The following RBM47 variants were observed in gnomAD, a reference collection of about 807,000 sequenced individuals.
RBM47 encodes RNA-binding protein 47.
A neutral mutation model predicts 47.1 loss-of-function variants in RBM47; 21 were observed. The ratio of observed to expected loss-of-function variants is 0.45; its 90% CI spans 0.32 to 0.64. The LOEUF (loss-of-function observed/expected upper bound fraction) is 0.64, where lower values mean the gene tolerates loss of function less well. Among genes scored for constraint, RBM47 ranks in the 30% least tolerant of loss-of-function variants. The pLI is 0.05. For missense variants in RBM47, 708 were observed against 870.9 expected (o/e 0.81, Z 2.35); for synonymous variants, 375 against 361.7 (o/e 1.04, Z -0.42).
intron 1 of RBM47, among the ~76,000 whole-genome samples, chr4:40,586,873 G>C (rs1578017981): frequency 2.0e-5 from 3 of 152,222 alleles, no homozygotes; most frequent in Admixed American, 2.0e-4. Context: ...TGAAGGGGCA[G>C]GAGGGGATTC....
rs188883198 is a variant in RBM47 at position 40,433,096 on chromosome 4, G to T, written c.1331-234C>A. 3.2e-4 allele frequency among the ~76,000 whole-genome samples: 48 copies of T among 152,112 alleles called. 1 individual carries two copies. In the East Asian group the frequency reaches 7.7e-3, roughly 24 times the overall value. On this transcript the variant is annotated intron_variant, in intron 5 of 6. Transcript: ENST00000295971. ...CCACCTCAGCCTCCTGAGTAGCTGG[G>T]ACTACAGGTACAGGCCACCTTGCCC...
intron 1 of RBM47, among the ~76,000 whole-genome samples, chr4:40,592,979 A>ATAT (rs1734378715): frequency 2.1e-4 from 3 of 14,204 alleles, no homozygotes; most frequent in African/African-American, 6.4e-4. Context: ...ATATATATAT[A>ATAT]TTTTTTTTTT....
chr4:40,573,793 G>A (rs1396478837), intron 1 of RBM47, among the ~76,000 whole-genome samples: 1 of 111,142 alleles, frequency 9.0e-6, no homozygotes, highest in African/African-American at 4.3e-5. Context: ...AAGAGAGAGA[G>A]AGAGAAAGAA....
chr4:40,622,365 C>T (rs1161615927), intron 1 of RBM47, among the ~76,000 whole-genome samples: 1 of 152,138 alleles, frequency 6.6e-6, no homozygotes, highest in Non-Finnish European at 1.5e-5. Flanking sequence ...GTTCAGGCAT[C>T]GGGGCAGCCA....
At chr4:40,588,657 GC>G (rs1265268712) in intron 1 of RBM47, among the ~76,000 whole-genome samples, 1 of 152,154 alleles carries the variant, frequency 6.6e-6, no homozygotes, top group African/African-American at 2.4e-5. Context: ...CTTCTCAGAT[GC>G]CCGTTGGAGA....
intron 1 of RBM47, among the ~76,000 whole-genome samples, chr4:40,582,427 G>C (rs1733044566): frequency 6.6e-6 from 1 of 152,128 alleles, no homozygotes; most frequent in African/African-American, 2.4e-5. Flanking sequence ...CCAGCTACTT[G>C]GGACGCTGAG....
chr4:40,443,470 C>A (rs1713988905), intron 3 of RBM47, among the ~76,000 whole-genome samples: 1 of 151,978 alleles, frequency 6.6e-6, no homozygotes, highest in Non-Finnish European at 1.5e-5. Context: ...GTAATCCCAG[C>A]ACTTTGGGAG....
intron 1 of RBM47, among the ~76,000 whole-genome samples, chr4:40,560,541 T>C (rs1039429837): frequency 2.0e-5 from 3 of 152,244 alleles, no homozygotes; most frequent in African/African-American, 7.2e-5. Context: ...CTTTGGTCAC[T>C]TGCCAGTCCA....
intron 1 of RBM47, among the ~76,000 whole-genome samples, chr4:40,591,318 A>G (rs1326734356): frequency 6.6e-6 from 1 of 152,172 alleles, no homozygotes; most frequent in Non-Finnish European, 1.5e-5. Flanking sequence ...AGAATTGTAT[A>G]CTTTAAAATA....
At chr4:40,547,985 G>A (rs1369853371) in intron 1 of RBM47, among the ~76,000 whole-genome samples, 1 of 152,230 alleles carries the variant, frequency 6.6e-6, no homozygotes, top group Non-Finnish European at 1.5e-5. Flanking sequence ...AGTGAGTCCA[G>A]GTGCTGAGCT....
chr4:40,573,837 G>C (rs982615135), intron 1 of RBM47, among the ~76,000 whole-genome samples: 1 of 145,922 alleles, frequency 6.9e-6, no homozygotes, highest in Admixed American at 6.8e-5. Context: ...GAAAGAAAGA[G>C]AAAGAAAGAA....
chr4:40,569,016 T>C (rs13150097), intron 1 of RBM47, among the ~76,000 whole-genome samples: 2,588 of 98,828 alleles, frequency 0.026, 56 homozygotes, highest in African/African-American at 0.05. Flanking sequence ...GATAGATAGA[T>C]AGACAGACAG....
chr4:40,437,121 T>TATATATAAAATAC (rs1712697887), intron 4 of RBM47, among the ~76,000 whole-genome samples: 1 of 89,760 alleles, frequency 1.1e-5, no homozygotes, highest in African/African-American at 5.3e-5. Context: ...AAAATACATA[T>TATATATAAAATAC]ATATATATAT....
chr4:40,594,290 CTCTT>C (rs1439854593), intron 1 of RBM47, among the ~76,000 whole-genome samples: 7 of 152,166 alleles, frequency 4.6e-5, no homozygotes, highest in Admixed American at 2.0e-4. Flanking sequence ...CTCAGACTGG[CTCTT>C]TCTGAGATGT....
chr4:40,621,631 G>C (rs1036097497), intron 1 of RBM47, among the ~76,000 whole-genome samples: 4 of 152,222 alleles, frequency 2.6e-5, no homozygotes, highest in Middle Eastern at 3.4e-3. Context: ...GTTACTTTCA[G>C]AAAATCATTA....
At chr4:40,568,828 A>G (rs771305405) in intron 1 of RBM47, among the ~76,000 whole-genome samples, 1 of 151,922 alleles carries the variant, frequency 6.6e-6, no homozygotes, top group African/African-American at 2.4e-5. Flanking sequence ...TAAAAATACA[A>G]AAATTAACTG....
intron 1 of RBM47, among the ~76,000 whole-genome samples, chr4:40,576,223 TTTTC>T (rs1044616017): frequency 4.1e-5 from 6 of 147,610 alleles, no homozygotes; most frequent in Non-Finnish European, 7.4e-5. Flanking sequence ...CTATTTCTTT[TTTTC>T]TTTCTCTTTT....
At chr4:40,480,668 A>T (rs542352301) in intron 2 of RBM47, among the ~76,000 whole-genome samples, 3 of 152,162 alleles carry the variant, frequency 2.0e-5, no homozygotes, top group Non-Finnish European at 4.4e-5. Flanking sequence ...TTTCTCTCTA[A>T]GCCCTTCCTC....
chr4:40,439,723 A>C (rs915930290), intron 3 of RBM47, among the ~76,000 whole-genome samples: 7 of 152,204 alleles, frequency 4.6e-5, no homozygotes, highest in African/African-American at 1.7e-4. Flanking sequence ...TATATGGTAC[A>C]TGGTATTATC....
Sources: allele counts gnomAD v4.1 joint callset (sites outside exome capture counted in the v4.1 genomes callset), GRCh38; gene constraint gnomAD v4.1.1; transcripts MANE v1.5; gene names NCBI Gene and HGNC (gene_info 2026-07-23, HGNC 2026-07-21).